The following TACR3 variants were observed in gnomAD, a reference collection of about 807,000 sequenced individuals.
The protein encoded by TACR3 is neuromedin-K receptor.
TACR3 carries 34 observed loss-of-function variants against 35.0 expected under a neutral mutation model. That is an observed-to-expected ratio of 0.97 (90% CI 0.74 to 1.30). The LOEUF (loss-of-function observed/expected upper bound fraction) is 1.30, where lower values mean the gene tolerates loss of function less well. TACR3 is among the 50% of genes most tolerant of loss of function. The probability of loss-of-function intolerance (pLI) is 0.00; values close to 1 mark genes in which losing one functional copy is unlikely to be tolerated. For synonymous variants in TACR3, 233 were observed against 221.1 expected, an observed-to-expected ratio of 1.05 and a Z score of -0.48; for missense variants, 558 against 591.7, an observed-to-expected ratio of 0.94 and a Z score of 0.59.
chr4:103,655,330 A>G (rs1441026022), intron 3 of TACR3, among the ~76,000 whole-genome samples: 1 of 152,160 alleles, frequency 6.6e-6, no homozygotes, highest in African/African-American at 2.4e-5. Context: ...ATGTGTTGCT[A>G]GTAGTACTGT....
chr4:103,675,012 A>C (rs1726137378), intron 1 of TACR3, among the ~76,000 whole-genome samples: 1 of 152,216 alleles, frequency 6.6e-6, no homozygotes, highest in Admixed American at 6.5e-5. Flanking sequence ...TTATATAAAA[A>C]TATAGGTGTT....
intron 1 of TACR3, among the ~76,000 whole-genome samples, chr4:103,695,110 C>G (rs963905982): frequency 6.6e-6 from 1 of 152,144 alleles, no homozygotes; most frequent in Admixed American, 6.5e-5. Context: ...TTCCATCAAA[C>G]TTCTACTATG....
At chr4:103,690,445 A>G (rs1399445579) in intron 1 of TACR3, among the ~76,000 whole-genome samples, 1 of 152,150 alleles carries the variant, frequency 6.6e-6, no homozygotes, top group East Asian at 1.9e-4. Context: ...AGATACAGAC[A>G]CAAACATATA....
chr4:103,691,395 A>T (rs1276319880), intron 1 of TACR3, among the ~76,000 whole-genome samples: 1 of 152,212 alleles, frequency 6.6e-6, no homozygotes, highest in Non-Finnish European at 1.5e-5. Flanking sequence ...TTTCCCAAAA[A>T]GATCAGCCTG....
chr4:103,680,514 T>TATATATACATATATATACAC (rs1560528622), intron 1 of TACR3, among the ~76,000 whole-genome samples: 1 of 147,512 alleles, frequency 6.8e-6, no homozygotes, highest in Non-Finnish European at 1.5e-5. Flanking sequence ...CACACACACA[T>TATATATACATATATATACAC]ATATATATAC....
chr4:103,674,830 G>A (rs1451833877), intron 1 of TACR3, among the ~76,000 whole-genome samples: 3 of 152,200 alleles, frequency 2.0e-5, no homozygotes, highest in African/African-American at 4.8e-5. Flanking sequence ...GATTACAGGC[G>A]TGAGCCACCG....
Position 103,589,327 on chromosome 4 carries a change from A to G in TACR3, c.*355T>C, listed in dbSNP as rs1372443851. 1 of 192,404 alleles carries G rather than the reference A, an allele frequency of 5.2e-6. No homozygotes were observed. Among genetic ancestry groups the G allele is most frequent in the Admixed American group, 5.3e-5 (1 of 18,808 alleles). The allele number at this position is 192,404 out of a possible 1,614,324, so 11.9% of individuals were successfully genotyped here. A position where few individuals can be genotyped will look rare whatever the true frequency, so the allele number is the denominator to read the frequency against. ...AATATTATGTTTTAAAGATTCTTTA[A>G]TCTCTTGGAAAAACTATATATCATT... On this transcript the variant is annotated 3_prime_UTR_variant, in exon 5 of 5. Coordinates refer to ENST00000304883, the MANE Select transcript of TACR3 (RefSeq NM_001059.3).
intron 1 of TACR3, among the ~76,000 whole-genome samples, chr4:103,710,510 A>G: frequency 6.6e-6 from 1 of 152,206 alleles, no homozygotes; most frequent in East Asian, 1.9e-4. Context: ...AGGGAAATTT[A>G]TACCACTAAA....
intron 3 of TACR3, among the ~76,000 whole-genome samples, chr4:103,599,775 C>T (rs150947264): frequency 0.017 from 2,538 of 152,130 alleles, 56 homozygotes; most frequent in African/African-American, 0.057. Flanking sequence ...TTGCGTATGT[C>T]GAACCAGCCT....
intron 1 of TACR3, among the ~76,000 whole-genome samples, chr4:103,660,039 AG>A (rs924537283): frequency 6.6e-6 from 1 of 152,176 alleles, no homozygotes; most frequent in Non-Finnish European, 1.5e-5. Context: ...AATATCGCAT[AG>A]GCCAAAAAAT....
chr4:103,625,807 C>T (rs1027157738), intron 3 of TACR3, among the ~76,000 whole-genome samples: 1 of 149,930 alleles, frequency 6.7e-6, no homozygotes, highest in Admixed American at 6.6e-5. Flanking sequence ...ACCCCCAGTA[C>T]CTTACACTGT....
chr4:103,695,487 G>C (rs996700839), intron 1 of TACR3, among the ~76,000 whole-genome samples: 2 of 152,126 alleles, frequency 1.3e-5, no homozygotes, highest in African/African-American at 2.4e-5. Context: ...TTAATAATAT[G>C]TTCTTTTCTC....
chr4:103,592,609 T>G (rs962395567), intron 3 of TACR3, among the ~76,000 whole-genome samples: 1 of 152,190 alleles, frequency 6.6e-6, no homozygotes, highest in Non-Finnish European at 1.5e-5. Flanking sequence ...CATATCTCTT[T>G]TGGGAATTTG....
At chr4:103,599,821 G>A (rs959767158) in intron 3 of TACR3, among the ~76,000 whole-genome samples, 1 of 152,210 alleles carries the variant, frequency 6.6e-6, no homozygotes, top group South Asian at 2.1e-4. Context: ...GATCATGGTG[G>A]ATAAACTTTT....
chr4:103,596,884 G>C (rs1724039708), intron 3 of TACR3, among the ~76,000 whole-genome samples: 1 of 151,848 alleles, frequency 6.6e-6, no homozygotes, highest in African/African-American at 2.4e-5. Flanking sequence ...AGTTTGCTGA[G>C]AATGATGGTT....
intron 1 of TACR3, among the ~76,000 whole-genome samples, chr4:103,680,184 G>A (rs997660889): frequency 2.6e-5 from 4 of 151,372 alleles, no homozygotes; most frequent in East Asian, 1.9e-4. Flanking sequence ...TATGGGTGAC[G>A]TTTACATAAA....
intron 3 of TACR3, among the ~76,000 whole-genome samples, chr4:103,607,457 T>C (rs1213464120): frequency 1.2e-4 from 18 of 151,832 alleles, no homozygotes; most frequent in Admixed American, 1.2e-3. Flanking sequence ...AAATATTATT[T>C]AAAATAAATA....
chr4:103,717,227 T>C (rs761506298), intron 1 of TACR3, among the ~76,000 whole-genome samples: 7 of 149,000 alleles, frequency 4.7e-5, no homozygotes, highest in Admixed American at 4.6e-4. Context: ...TGTATTTCTG[T>C]TTTTTTTTAA....
chr4:103,608,424 G>T (rs190607343), intron 3 of TACR3, among the ~76,000 whole-genome samples: 2 of 152,158 alleles, frequency 1.3e-5, no homozygotes, highest in Admixed American at 1.3e-4. Flanking sequence ...AGAAAGGGGA[G>T]CATAGGTGGA....
Sources: gnomAD v4.1 joint callset for allele counts (sites outside exome capture counted in the v4.1 genomes callset) on GRCh38, gnomAD v4.1.1 for gene constraint, MANE v1.5 for transcripts, NCBI Gene and HGNC (gene_info 2026-07-23, HGNC 2026-07-21) for gene names.